The following MYO5B variants were observed in gnomAD, a reference collection of about 807,000 sequenced individuals.
MYO5B encodes unconventional myosin-Vb.
In MYO5B, 143 loss-of-function variants were observed where a neutral mutation model predicts 229.3. The observed-to-expected ratio is 0.62, with a 90% CI of 0.54 to 0.72. MYO5B has a LOEUF of 0.72. Among genes scored for constraint, MYO5B ranks in the 30% least tolerant of loss-of-function variants. MYO5B has a pLI of 0.00. For synonymous variants in MYO5B, 918 were observed against 885.2 expected, an observed-to-expected ratio of 1.04 and a Z score of -0.66; for missense variants, 2,321 against 2,331.0, an observed-to-expected ratio of 1.00 and a Z score of 0.09.
rs2025165042 is a variant in MYO5B, at chr18:49,929,445, C to T, written c.2090+67G>A. On this transcript the variant is annotated intron_variant, in intron 17 of 39. Coordinates refer to ENST00000285039, the MANE Select transcript of MYO5B (RefSeq NM_001080467.3). Reference sequence around the variant, plus strand: ...CTGGCCGACGGTACACAGAGGGCTCCCTGGGGAACCAAACTCTGGCTGCTC... The same window carrying T: ...CTGGCCGACGGTACACAGAGGGCTCTCTGGGGAACCAAACTCTGGCTGCTC... 2.2e-6 allele frequency: 3 copies of T among 1,365,342 alleles called. No individual in the cohort carries two copies. In the East Asian group the frequency reaches 7.2e-5, roughly 33 times the overall value. The allele number at this position is 1,365,342 out of a possible 1,614,324, so 84.6% of individuals were successfully genotyped here.
At chr18:50,059,171 T>C (rs540522835) in intron 1 of MYO5B, among the ~76,000 whole-genome samples, 43 of 152,354 alleles carry the variant, frequency 2.8e-4, no homozygotes, top group African/African-American at 1.0e-3. Flanking sequence ...ACGGAACAGA[T>C]GCTCACTAAA....
intron 1 of MYO5B, among the ~76,000 whole-genome samples, chr18:50,069,018 T>C (rs1873967775): frequency 6.6e-6 from 1 of 152,128 alleles, no homozygotes; most frequent in Non-Finnish European, 1.5e-5. Flanking sequence ...AGTGCTTTGT[T>C]TTCAGAATAA....
chr18:49,874,659 G>A (rs1268868462), intron 26 of MYO5B, among the ~76,000 whole-genome samples: 1 of 152,214 alleles, frequency 6.6e-6, no homozygotes, highest in Non-Finnish European at 1.5e-5. Flanking sequence ...ACAGAAGTGA[G>A]GGAAGGGGTA....
Position 49,897,387 on chromosome 18 carries a change from A to G in MYO5B, c.2812-2213T>C, listed in dbSNP as rs1023070894. Among the ~76,000 whole-genome samples, 6 of 152,222 alleles carry G rather than the reference A, an allele frequency of 3.9e-5. 1 individual carries two copies. Among genetic ancestry groups the G allele is most frequent in the Admixed American group, 3.3e-4 (5 of 15,284 alleles). ...GACGATCCTGACCTTGTGTGTGTCT[A>G]GGCTAATGAATGTATCCGTGTCTTA... is the stretch of plus-strand genomic sequence containing the variant. On this transcript the variant is annotated intron_variant, in intron 21 of 39. Coordinates refer to ENST00000285039, the MANE Select transcript of MYO5B (RefSeq NM_001080467.3).
chr18:49,863,798 T>G (rs2024360883), intron 28 of MYO5B, among the ~76,000 whole-genome samples: 1 of 152,162 alleles, frequency 6.6e-6, no homozygotes, highest in Non-Finnish European at 1.5e-5. Flanking sequence ...ATACAGTGAA[T>G]AGGACTTGCC....
intron 14 of MYO5B, among the ~76,000 whole-genome samples, chr18:49,952,004 C>A (rs374613872): frequency 3.9e-5 from 6 of 152,194 alleles, no homozygotes; most frequent in African/African-American, 1.2e-4. Context: ...CTTTTACCCA[C>A]GGCCAATTTG....
intron 1 of MYO5B, chr18:50,064,009 A>G (rs2030757046): frequency 6.6e-6 from 1 of 152,292 alleles, no homozygotes; most frequent in Admixed American, 6.5e-5. Flanking sequence ...ACTGGTTTAT[A>G]CCAGTAGTAT....
chr18:50,001,360 C>A lies in MYO5B; in HGVS notation c.507G>T (p.Lys169Asn). The A allele has an allele frequency of 6.2e-7, 1 of 1,614,214 alleles. No homozygotes were observed. Among genetic ancestry groups the A allele is most frequent in the Non-Finnish European group, 8.5e-7 (1 of 1,180,026 alleles). Reference protein sequence around the residue: ...IIVSGESGAGKTVSAKYAMRY... With the variant: ...IIVSGESGAGNTVSAKYAMRY... ...GCATGGCATACTTGGCTGATACCGT[C>A]TTCCCGGCTCCAGACTCCCCACTGA... The change falls in exon 5 of 40, where the codon AAG becomes AAT. Residue 169 changes from lysine to asparagine, a missense_variant. Around this residue, in one of 2 missense-constraint regions of MYO5B, gnomAD observed 2,113 missense variants for 2,044.7 expected, o/e 1.03. Coordinates refer to ENST00000285039, the MANE Select transcript of MYO5B (RefSeq NM_001080467.3).
At chr18:49,993,024 T>C (rs1438043391) in intron 5 of MYO5B, among the ~76,000 whole-genome samples, 3 of 152,106 alleles carry the variant, frequency 2.0e-5, no homozygotes, top group Non-Finnish European at 4.4e-5. Flanking sequence ...GAAGCCATCA[T>C]CCCTCTTGGT....
intron 18 of MYO5B, among the ~76,000 whole-genome samples, chr18:49,907,926 G>C (rs2024917869): frequency 1.3e-5 from 2 of 152,240 alleles, no homozygotes; most frequent in African/African-American, 4.8e-5. Context: ...ACAGGGGCTG[G>C]ATGGGACTTG....
At chr18:49,938,673 G>C (rs1455608688) in intron 14 of MYO5B, among the ~76,000 whole-genome samples, 2 of 152,082 alleles carry the variant, frequency 1.3e-5, no homozygotes, top group African/African-American at 4.8e-5. Context: ...TCCCTGATCA[G>C]ATCCCACTCA....
At chr18:49,962,165 C>T in intron 12 of MYO5B, 101 bp downstream of exon 12, 1 of 1,506,492 alleles carries the variant, frequency 6.6e-7, no homozygotes, top group Non-Finnish European at 9.2e-7. Flanking sequence ...ACACTGAAGG[C>T]CAGCTGATCA....
chr18:49,836,640 G>C (rs571468539), intron 38 of MYO5B, 71 bp downstream of exon 38: 14 of 1,568,910 alleles, frequency 8.9e-6, no homozygotes, highest in Non-Finnish European at 1.2e-5. Context: ...AACCACCAAC[G>C]AGAACAGACT....
chr18:49,825,439 T>C lies in MYO5B; in HGVS notation c.*1032A>G, dbSNP rs984174936. ...TAAAAAAAAAAAACCCAAACTTTTGTATAATATCCCTGAACTGATTATTTT... is the reference window on the plus strand; with the variant it reads ...TAAAAAAAAAAAACCCAAACTTTTGCATAATATCCCTGAACTGATTATTTT... On this transcript the variant is annotated 3_prime_UTR_variant, in exon 40 of 40. Coordinates refer to ENST00000285039, the MANE Select transcript of MYO5B (RefSeq NM_001080467.3). 2 of 152,090 alleles carry C rather than the reference T, an allele frequency of 1.3e-5. No homozygotes were observed. The highest frequency in any genetic ancestry group is 4.8e-5 in the African/African-American group (2 of 41,442). The allele number at this position is 152,090 out of a possible 1,614,324, so 9.4% of individuals were successfully genotyped here. A position where few individuals can be genotyped will look rare whatever the true frequency, so the allele number is the denominator to read the frequency against.
chr18:49,936,168 AC>A (rs2025247275), intron 16 of MYO5B, 83 bp downstream of exon 16: 1 of 1,172,046 alleles, frequency 8.5e-7, no homozygotes, highest in Non-Finnish European at 1.2e-6. Flanking sequence ...AAGGCCACAG[AC>A]CCCCAGGCAA....
rs114537513 is a variant in MYO5B, at chr18:49,935,941, G to C, written c.2003+311C>G. Among the ~76,000 whole-genome samples the C allele has an allele frequency of 3.8e-3, 582 of 152,338 alleles. 5 individuals carry two copies. The highest frequency in any genetic ancestry group is 0.013 in the African/African-American group (536 of 41,578). Reference sequence around the variant, plus strand: ...CCACTCCAGCAACCTTTCCAAGCCTGAATTTAACACTTGCTGTGAGATGTA... The same window carrying C: ...CCACTCCAGCAACCTTTCCAAGCCTCAATTTAACACTTGCTGTGAGATGTA... On this transcript the variant is annotated intron_variant, in intron 16 of 39. Coordinates refer to ENST00000285039, the MANE Select transcript of MYO5B (RefSeq NM_001080467.3).
chr18:50,023,450 T>C (rs879734803), intron 4 of MYO5B, among the ~76,000 whole-genome samples: 5 of 152,312 alleles, frequency 3.3e-5, no homozygotes, highest in East Asian at 1.9e-4. Flanking sequence ...AAGCTATTAG[T>C]AAGCTTCTAT....
intron 2 of MYO5B, among the ~76,000 whole-genome samples, chr18:50,046,427 A>C: frequency 6.6e-6 from 1 of 152,230 alleles, no homozygotes; most frequent in Admixed American, 6.5e-5. Flanking sequence ...GACTTCCAGG[A>C]AACTCAGTTT....
intron 12 of MYO5B, among the ~76,000 whole-genome samples, chr18:49,957,142 CAAAAAAAAAA>C (rs71169467): frequency 1.7e-5 from 1 of 58,736 alleles, no homozygotes; most frequent in African/African-American, 7.9e-5. Flanking sequence ...AATAAAGTAG[CAAAAAAAAAA>C]AAAAAAAAAA....
Sources: gnomAD v4.1 joint callset for allele counts (sites outside exome capture counted in the v4.1 genomes callset) on GRCh38, gnomAD v4.1.1 for gene constraint, gnomAD v4.1.1 regional missense constraint, MANE v1.5 for transcripts, NCBI Gene and HGNC (gene_info 2026-07-23, HGNC 2026-07-21) for gene names.